The following GLRA2 variants were observed in gnomAD, a reference collection of about 807,000 sequenced individuals.
GLRA2 encodes glycine receptor alpha 2.
A neutral mutation model predicts 31.6 loss-of-function variants in GLRA2; 11 were observed. The observed-to-expected ratio is 0.35, with a 90% CI of 0.22 to 0.58. The LOEUF (loss-of-function observed/expected upper bound fraction) is 0.58, where lower values mean the gene tolerates loss of function less well. Among genes scored for constraint, GLRA2 ranks in the 20% least tolerant of loss-of-function variants. The pLI is 0.84. For synonymous variants in GLRA2, 132 were observed against 134.0 expected, an observed-to-expected ratio of 0.99 and a Z score of 0.10; for missense variants, 212 against 351.8, an observed-to-expected ratio of 0.60 and a Z score of 3.18.
the GLRA2 span, among the ~76,000 whole-genome samples, chrX:14,467,318 G>A: frequency 2.0e-4 from 22 of 111,910 alleles, no homozygotes; most frequent in African/African-American, 5.8e-4. Flanking sequence ...CACAGGGATC[G>A]TGTTAAAATG....
At chrX:14,581,914 T>C (rs1291023294) in intron 4 of GLRA2, among the ~76,000 whole-genome samples, 5 of 110,955 alleles carry the variant, frequency 4.5e-5, no homozygotes, top group Non-Finnish European at 9.4e-5. Context: ...CCTTGATCTC[T>C]TAACTTTTCT....
At chrX:14,504,885 A>T in the GLRA2 span, among the ~76,000 whole-genome samples, 26 of 112,023 alleles carry the variant, frequency 2.3e-4, no homozygotes, top group Non-Finnish European at 4.7e-4. Flanking sequence ...CAGTAAAGGG[A>T]AAAGATAATG....
intron 7 of GLRA2, among the ~76,000 whole-genome samples, chrX:14,638,840 A>G (rs934530874): frequency 2.7e-5 from 3 of 111,868 alleles, no homozygotes; most frequent in African/African-American, 9.7e-5. Context: ...ACTAATATTA[A>G]AAGCCAAACA....
chrX:14,706,504 AAATTT>A (rs1007400401), intron 8 of GLRA2, among the ~76,000 whole-genome samples: 1 of 112,399 alleles, frequency 8.9e-6, no homozygotes, highest in African/African-American at 3.2e-5. Context: ...GTTTTGCACT[AAATTT>A]TATTTTTAAT....
At chrX:14,702,731 G>A (rs994603361) in intron 8 of GLRA2, among the ~76,000 whole-genome samples, 6 of 111,437 alleles carry the variant, frequency 5.4e-5, no homozygotes, top group African/African-American at 1.3e-4. Flanking sequence ...GGGTTGTCAC[G>A]GGGGTTCAAG....
chrX:14,704,923 A>G (rs2091598701), intron 8 of GLRA2, among the ~76,000 whole-genome samples: 1 of 112,250 alleles, frequency 8.9e-6, no homozygotes, highest in South Asian at 3.7e-4. Flanking sequence ...TTTAAGAACC[A>G]TAAGAGAGTT....
At chrX:14,619,919 T>C (rs746124577) in intron 7 of GLRA2, among the ~76,000 whole-genome samples, 5 of 109,409 alleles carry the variant, frequency 4.6e-5, no homozygotes, top group Non-Finnish European at 7.6e-5. Context: ...ATCTCTAGAG[T>C]TGGGTCACTG....
chrX:14,473,032 G>C, the GLRA2 span, among the ~76,000 whole-genome samples: 7 of 111,109 alleles, frequency 6.3e-5, no homozygotes, highest in Non-Finnish European at 1.1e-4. Context: ...ATGTGTCTTA[G>C]AATCAGACAA....
the GLRA2 span, among the ~76,000 whole-genome samples, chrX:14,463,206 A>G: frequency 3.3e-4 from 37 of 111,412 alleles, no homozygotes; most frequent in African/African-American, 1.2e-3. Context: ...TTGCTGCCCA[A>G]TACTTCCTCT....
chrX:14,620,045 C>A (rs769187562), intron 7 of GLRA2, among the ~76,000 whole-genome samples: 1 of 107,843 alleles, frequency 9.3e-6, no homozygotes, highest in Non-Finnish European at 1.9e-5. Flanking sequence ...GAGAATCCGG[C>A]TGCATATAGT....
chrX:14,485,271 A>G, the GLRA2 span, among the ~76,000 whole-genome samples: 12 of 112,383 alleles, frequency 1.1e-4, no homozygotes, highest in African/African-American at 3.9e-4. Flanking sequence ...CTTTATATCC[A>G]TGCCCCAAGA....
At chrX:14,684,502 G>T (rs1240740067) in intron 7 of GLRA2, among the ~76,000 whole-genome samples, 2 of 111,356 alleles carry the variant, frequency 1.8e-5, no homozygotes, top group African/African-American at 6.5e-5. Context: ...TTGAGCAGTG[G>T]TTTGTAGTTC....
At chrX:14,607,388 G>A (rs1341099816) in intron 6 of GLRA2, 120 bp downstream of exon 6, 11 of 560,439 alleles carry the variant, frequency 2.0e-5, no homozygotes, top group Admixed American at 1.4e-4. Flanking sequence ...GACCTATGTC[G>A]CACGGACCTG....
At chrX:14,597,552 G>T (rs1206935699) in intron 4 of GLRA2, among the ~76,000 whole-genome samples, 1 of 110,991 alleles carries the variant, frequency 9.0e-6, no homozygotes, top group Admixed American at 9.6e-5. Context: ...TGGGTTGCCG[G>T]GAGAGGCTGG....
At chrX:14,458,286 G>C in the GLRA2 span, among the ~76,000 whole-genome samples, 1 of 111,692 alleles carries the variant, frequency 9.0e-6, no homozygotes, top group Admixed American at 9.5e-5. Context: ...GGACATTTGG[G>C]TTGGTTCCAA....
intron 8 of GLRA2, among the ~76,000 whole-genome samples, chrX:14,719,104 C>T (rs887850731): frequency 2.7e-5 from 3 of 111,998 alleles, no homozygotes; most frequent in Middle Eastern, 4.6e-3. Context: ...TCCAAGACCA[C>T]CAATATTAAA....
chrX:14,494,461 G>A, the GLRA2 span, among the ~76,000 whole-genome samples: 2 of 111,719 alleles, frequency 1.8e-5, no homozygotes, highest in Non-Finnish European at 3.8e-5. Flanking sequence ...ACCTTGGATG[G>A]CATTAGGTTT....
At chrX:14,629,587 T>C (rs767253897) in intron 7 of GLRA2, among the ~76,000 whole-genome samples, 1 of 111,831 alleles carries the variant, frequency 8.9e-6, no homozygotes, top group East Asian at 2.8e-4. Context: ...ACCATTTCGA[T>C]TTCCTATGAC....
chrX:14,715,619 A>G (rs1004656407), intron 8 of GLRA2, among the ~76,000 whole-genome samples: 2 of 111,932 alleles, frequency 1.8e-5, no homozygotes, highest in African/African-American at 6.5e-5. Context: ...AGGGGTCAAG[A>G]AAAGGCATTC....
Sources: gnomAD v4.1 joint callset for allele counts (sites outside exome capture counted in the v4.1 genomes callset) on GRCh38, gnomAD v4.1.1 for gene constraint, MANE v1.5 for transcripts, NCBI Gene and HGNC (gene_info 2026-07-23, HGNC 2026-07-21) for gene names.